POFUT3: variants seen among roughly 807,000 people sequenced by gnomAD.
POFUT3 encodes GDP-fucose protein O-fucosyltransferase 3.
At chr8:33,465,403 T>TAC in the POFUT3 span, among the ~76,000 whole-genome samples, 1 of 132,418 alleles carries the variant, frequency 7.6e-6, no homozygotes, top group African/African-American at 3.0e-5. Context: ...TATATATATA[T>TAC]ATACACACAT....
chr8:33,364,429 G>C, the POFUT3 span, among the ~76,000 whole-genome samples: 1 of 151,944 alleles, frequency 6.6e-6, no homozygotes, highest in Non-Finnish European at 1.5e-5. Context: ...CAGGGCAATC[G>C]GGCAAGAGAA....
the POFUT3 span, among the ~76,000 whole-genome samples, chr8:33,334,937 G>T: frequency 2.0e-5 from 3 of 152,138 alleles, no homozygotes; most frequent in Non-Finnish European, 4.4e-5. Context: ...TGAATTGATG[G>T]ATTACATTTT....
At chr8:33,470,236 C>CAAAAAAAAAAAA in the POFUT3 span, among the ~76,000 whole-genome samples, 17 of 89,070 alleles carry the variant, frequency 1.9e-4, no homozygotes, top group African/African-American at 5.0e-4. Flanking sequence ...CCCATCTCTA[C>CAAAAAAAAAAAA]AAAAAAAAAA....
the POFUT3 span, among the ~76,000 whole-genome samples, chr8:33,435,414 C>T: frequency 1.3e-5 from 2 of 152,164 alleles, no homozygotes; most frequent in East Asian, 3.9e-4. Context: ...GATGGGGTTT[C>T]ACCATATTGG....
chr8:33,383,339 C>T, the POFUT3 span, among the ~76,000 whole-genome samples: 1 of 152,194 alleles, frequency 6.6e-6, no homozygotes. Context: ...CATTATTCAC[C>T]TGATGGCAAT....
chr8:33,369,856 C>CTGA, the POFUT3 span, among the ~76,000 whole-genome samples: 14 of 152,056 alleles, frequency 9.2e-5, no homozygotes, highest in Non-Finnish European at 1.6e-4. Context: ...TTACTAGAAT[C>CTGA]TAGTCCTTAA....
chr8:33,462,811 G>A, the POFUT3 span, among the ~76,000 whole-genome samples: 1 of 152,006 alleles, frequency 6.6e-6, no homozygotes, highest in Non-Finnish European at 1.5e-5. Context: ...TGCACCTATA[G>A]TCCCAGCTAC....
chr8:33,463,056 C>T, the POFUT3 span, among the ~76,000 whole-genome samples: 2 of 152,078 alleles, frequency 1.3e-5, no homozygotes, highest in African/African-American at 2.4e-5. Flanking sequence ...GGTCAACTTT[C>T]CAGAGGAAGG....
chr8:33,409,580 C>T, the POFUT3 span, among the ~76,000 whole-genome samples: 2 of 152,292 alleles, frequency 1.3e-5, no homozygotes, highest in East Asian at 3.9e-4. Context: ...TAATGTTCCC[C>T]CATTTCGTGT....
chr8:33,472,653 C>T, the POFUT3 span, among the ~76,000 whole-genome samples: 1 of 152,184 alleles, frequency 6.6e-6, no homozygotes, highest in African/African-American at 2.4e-5. Context: ...AATTCGCGCC[C>T]CGCAAAGGCA....
At chr8:33,348,140 C>T in the POFUT3 span, among the ~76,000 whole-genome samples, 2 of 146,738 alleles carry the variant, frequency 1.4e-5, no homozygotes, top group Admixed American at 6.9e-5. Flanking sequence ...ATCTGCTTTC[C>T]AACCTCGGTG....
chr8:33,461,452 T>TGCTGC, the POFUT3 span: 4 of 1,613,624 alleles, frequency 2.5e-6, no homozygotes, highest in Admixed American at 1.7e-5. Flanking sequence ...ATCCGCACCA[T>TGCTGC]GCTGCCCTGC....
chr8:33,350,146 T>A, the POFUT3 span, among the ~76,000 whole-genome samples: 1 of 152,324 alleles, frequency 6.6e-6, no homozygotes, highest in South Asian at 2.1e-4. Flanking sequence ...GAGTTCCTTG[T>A]AGATTCTGGA....
At chr8:33,455,186 ATAG>A in the POFUT3 span, among the ~76,000 whole-genome samples, 8 of 152,196 alleles carry the variant, frequency 5.3e-5, no homozygotes, top group East Asian at 5.8e-4. Context: ...TGTTACCAAC[ATAG>A]TAGACCATGA....
At chr8:33,375,223 G>A in the POFUT3 span, among the ~76,000 whole-genome samples, 2 of 152,038 alleles carry the variant, frequency 1.3e-5, 1 homozygote. Context: ...ATTCTTGCAT[G>A]TACCTCTTCT....
the POFUT3 span, among the ~76,000 whole-genome samples, chr8:33,459,794 C>T: frequency 6.6e-6 from 1 of 152,090 alleles, no homozygotes; most frequent in Admixed American, 6.6e-5. Flanking sequence ...AACGGTGGCT[C>T]ACACCTGTAA....
the POFUT3 span, among the ~76,000 whole-genome samples, chr8:33,379,468 C>A: frequency 6.6e-6 from 1 of 151,790 alleles, no homozygotes; most frequent in South Asian, 2.1e-4. Flanking sequence ...AAGCCATCAA[C>A]AGAACCAGAC....
At chr8:33,442,651 G>T in the POFUT3 span, among the ~76,000 whole-genome samples, 1 of 151,400 alleles carries the variant, frequency 6.6e-6, no homozygotes, top group East Asian at 1.9e-4. Context: ...TTGAGATGTG[G>T]GTCTCTCTGT....
chr8:33,399,075 G>A, the POFUT3 span, among the ~76,000 whole-genome samples: 1 of 152,236 alleles, frequency 6.6e-6, no homozygotes, highest in Admixed American at 6.5e-5. Flanking sequence ...TTGCATTGTA[G>A]TTGGAGAACA....
Sources: allele counts gnomAD v4.1 joint callset (sites outside exome capture counted in the v4.1 genomes callset), GRCh38; gene constraint gnomAD v4.1.1; transcripts MANE v1.5; gene names NCBI Gene and HGNC (gene_info 2026-07-23, HGNC 2026-07-21).